ZNF831: variants seen among roughly 807,000 people sequenced by gnomAD.
ZNF831 encodes the protein chromosome 20 open reading frame 174.
Under a neutral mutation model 95.8 loss-of-function variants are expected in ZNF831, and 59 were observed. The observed-to-expected ratio is 0.62, with a 90% CI of 0.50 to 0.77. The LOEUF (loss-of-function observed/expected upper bound fraction) is 0.77. Among genes scored for constraint, ZNF831 ranks in the 30% least tolerant of loss-of-function variants. The pLI is 0.00. For synonymous variants in ZNF831, 961 were observed against 925.5 expected, an observed-to-expected ratio of 1.04 and a Z score of -0.70; for missense variants, 2,205 against 2,164.0, an observed-to-expected ratio of 1.02 and a Z score of -0.38.
chr20:59,224,435 T>C (rs1271269256), intron 4 of ZNF831, among the ~76,000 whole-genome samples: 1 of 152,204 alleles, frequency 6.6e-6, no homozygotes, highest in African/African-American at 2.4e-5. Flanking sequence ...AGCCTTCTTT[T>C]GTTCCCTCCT....
In ZNF831 at chr20:59,192,141, G is replaced by T. The variant is rs551783546; in HGVS notation, c.1122G>T (p.Glu374Asp). 1.3e-6 allele frequency: 2 copies of T among 1,564,238 alleles called. No homozygotes were observed. Among genetic ancestry groups the T allele is most frequent in the East Asian group, 2.3e-5 (1 of 43,974 alleles). ...HSLSEHSAES[E>D]GEGGPGPGPG... ...TTTCGGAGCACAGCGCCGAGTCCGA[G>T]GGGGAGGGCGGCCCGGGCCCGGGGC... Residue 374 changes from glutamate (E) to aspartate (D), a missense_variant, in exon 2 of 6, where the codon GAG becomes GAT. Glu to Asp is a conservative substitution (Grantham distance 45). Transcript: ENST00000371030. The surrounding 1 kb of genome is among the most constrained non-coding windows in gnomAD (Gnocchi z 5.2).
intron 1 of ZNF831, among the ~76,000 whole-genome samples, chr20:59,182,255 C>T (rs1982679383): frequency 6.6e-6 from 1 of 152,170 alleles, no homozygotes; most frequent in South Asian, 2.1e-4. Flanking sequence ...GAAGATGTCT[C>T]AGGCAGATCA....
chr20:59,231,290 C>A (rs1021514639), intron 4 of ZNF831, among the ~76,000 whole-genome samples: 1 of 152,146 alleles, frequency 6.6e-6, no homozygotes, highest in Non-Finnish European at 1.5e-5. Flanking sequence ...CAGAAATAGG[C>A]AACTTGCATG....
Position 59,242,745 on chromosome 20 carries a change from T to C in ZNF831, c.4028-10233T>C, listed in dbSNP as rs187292939. Among the ~76,000 whole-genome samples the C allele has an allele frequency of 2.4e-3, 366 of 152,296 alleles. 2 individuals carry two copies. Among genetic ancestry groups the C allele is most frequent in the African/African-American group, 8.3e-3 (345 of 41,562 alleles). On this transcript the variant is annotated intron_variant, in intron 4 of 5. Coordinates refer to ENST00000371030, the MANE Select transcript of ZNF831 (RefSeq NM_178457.3). ...GTATGGGTTGCTAGATTTTGATAAA[T>C]GTATTTTTCTGCTCTTTCGATGAGT...
chr20:59,192,916 C>A lies in ZNF831; in HGVS notation c.1897C>A (p.Gln633Lys), dbSNP rs2146574129. ...GGATGAGACGTTCAAAAGGATCTAC[C>A]AGAAAATGAAAGCCAGTCCCCATGG... is the stretch of plus-strand genomic sequence containing the variant. ...YGDETFKRIY[Q>K]KMKASPHGGK... The change falls in exon 2 of 6, where the codon CAG becomes AAG. Residue 633 changes from glutamine (Q) to lysine (K), a missense_variant. Coordinates refer to ENST00000371030, the MANE Select transcript of ZNF831 (RefSeq NM_178457.3). The surrounding 1 kb of genome is among the most constrained non-coding windows in gnomAD (Gnocchi z 5.2). The A allele has an allele frequency of 6.2e-7, 1 of 1,600,196 alleles. No homozygotes were observed. Among genetic ancestry groups the A allele is most frequent in the South Asian group, 1.1e-5 (1 of 88,158 alleles).
intron 1 of ZNF831, among the ~76,000 whole-genome samples, chr20:59,171,701 T>C (rs1336642731): frequency 1.3e-5 from 2 of 152,206 alleles, no homozygotes; most frequent in Non-Finnish European, 2.9e-5. Flanking sequence ...AAGTAGAGAA[T>C]GATTAGTAAA....
chr20:59,168,433 A>G (rs1981456138), intron 1 of ZNF831, among the ~76,000 whole-genome samples: 1 of 143,214 alleles, frequency 7.0e-6, no homozygotes, highest in Non-Finnish European at 1.5e-5. Context: ...TCCTTGCTGC[A>G]CTCACTTATT....
At chr20:59,203,579 C>T (rs1984679320) in intron 3 of ZNF831, among the ~76,000 whole-genome samples, 1 of 152,198 alleles carries the variant, frequency 6.6e-6, no homozygotes, top group Non-Finnish European at 1.5e-5. Flanking sequence ...TATTTATTAG[C>T]TGGACCTTTG....
intron 2 of ZNF831, 85 bp downstream of exon 2, chr20:59,194,842 A>C (rs1424554773): frequency 1.4e-6 from 2 of 1,445,664 alleles, no homozygotes; most frequent in African/African-American, 2.9e-5. Flanking sequence ...AGGAAGTCTG[A>C]AGCCGTCCCA....
chr20:59,125,499 G>A (rs1233583458), intron 1 of ZNF831, among the ~76,000 whole-genome samples: 1 of 152,074 alleles, frequency 6.6e-6, no homozygotes, highest in African/African-American at 2.4e-5. Flanking sequence ...CAGGCACTTC[G>A]TGTGCATACT....
intron 1 of ZNF831, among the ~76,000 whole-genome samples, chr20:59,175,106 T>C (rs1982042460): frequency 6.6e-6 from 1 of 152,154 alleles, no homozygotes; most frequent in Admixed American, 6.5e-5. Flanking sequence ...TCATTAGAAT[T>C]GTTTTTTCTG....
At chr20:59,242,149 C>G (rs1045942175) in intron 4 of ZNF831, among the ~76,000 whole-genome samples, 17 of 152,118 alleles carry the variant, frequency 1.1e-4, no homozygotes, top group African/African-American at 4.1e-4. Context: ...GTTTCTGTTT[C>G]TAGTTTGACA....
rs1985063989 is a variant in ZNF831 at position 59,208,510 on chromosome 20, T to C, written c.4027+1454T>C. 6.6e-6 allele frequency among the ~76,000 whole-genome samples: 1 copy of C among 152,176 alleles called. No homozygotes were observed. Among genetic ancestry groups the C allele is most frequent in the Non-Finnish European group, 1.5e-5 (1 of 68,030 alleles). ...TCGTCTCTCCTTAAGAGTTTTCCAA[T>C]GTATAACCCACAGCTGGGAATCCAG... is the stretch of plus-strand genomic sequence containing the variant. On this transcript the variant is annotated intron_variant, in intron 4 of 5. Coordinates refer to ENST00000371030, the MANE Select transcript of ZNF831 (RefSeq NM_178457.3). The surrounding 1 kb of genome is among the most constrained non-coding windows in gnomAD (Gnocchi z 4.2).
chr20:59,139,794 T>C (rs138540145), intron 1 of ZNF831, among the ~76,000 whole-genome samples: 315 of 152,290 alleles, frequency 2.1e-3, no homozygotes, highest in African/African-American at 7.2e-3. Flanking sequence ...ATGGATTCTT[T>C]GAAGAAATGC....
Position 59,191,603 on chromosome 20 carries a change from C to A in ZNF831, c.584C>A (p.Thr195Lys), listed in dbSNP as rs755332687. The A allele has an allele frequency of 6.3e-7, 1 of 1,596,492 alleles. No individual in the cohort carries two copies. The highest frequency in any genetic ancestry group is 8.5e-7 in the Non-Finnish European group (1 of 1,170,048). Residue 195 changes from threonine (T) to lysine (K), a missense_variant, in exon 2 of 6, where the codon ACG becomes AAG. Transcript: ENST00000371030. ...SNLYKHRRTQ[T>K]HLNNSRLSSE... is the part of the protein sequence containing the mutation. Reference sequence around the variant, plus strand: ...CTCTACAAGCACAGGCGGACGCAGACGCACCTCAACAACTCCCGGCTGTCC... The same window carrying A: ...CTCTACAAGCACAGGCGGACGCAGAAGCACCTCAACAACTCCCGGCTGTCC...
rs1432078773 is a variant in ZNF831, at chr20:59,194,283, G to T, written c.3264G>T (p.Arg1088Ser). The change falls in exon 2 of 6, where the codon AGG becomes AGT. Residue 1088 changes from arginine (R) to serine (S), a missense_variant. Arg to Ser is a moderately radical substitution (Grantham distance 110). Coordinates refer to ENST00000371030, the MANE Select transcript of ZNF831 (RefSeq NM_178457.3). The stretch of plus-strand genomic sequence containing the variant: ...TGGGCAGCACTTTGGCAAGGGCCAG[G>T]CTCTCTGGGGATGTCCTGAATCCCT... The part of the protein sequence containing the change: ...LCMGSTLARA[R>S]LSGDVLNPWV... 1 of 1,614,012 alleles carries T rather than the reference G, an allele frequency of 6.2e-7. No homozygotes were observed.
intron 1 of ZNF831, among the ~76,000 whole-genome samples, chr20:59,184,406 C>G (rs1003675282): frequency 6.6e-6 from 1 of 152,100 alleles, no homozygotes; most frequent in Admixed American, 6.5e-5. Flanking sequence ...TTCCTCCCTC[C>G]CCCCTTTTTT....
At chr20:59,224,946 T>C (rs1432423916) in intron 4 of ZNF831, among the ~76,000 whole-genome samples, 1 of 150,260 alleles carries the variant, frequency 6.7e-6, no homozygotes, top group African/African-American at 2.5e-5. Flanking sequence ...GTAGGGTTTT[T>C]AAATTTTGTG....
rs1988250600 is a variant in ZNF831, at chr20:59,257,782, C to T, written c.*3039C>T. ...AACCAACTGATGCCTCAGTTTCTTC[C>T]ACAGAGAATAGTTAGAGGGATGCTG... On this transcript the variant is annotated 3_prime_UTR_variant, in exon 6 of 6. Transcript: ENST00000371030. 1 of 152,078 alleles carries T rather than the reference C, an allele frequency of 6.6e-6. No individual in the cohort carries two copies. The highest frequency in any genetic ancestry group is 1.5e-5 in the Non-Finnish European group (1 of 68,012). 9.4% of individuals were successfully genotyped at this position (152,078 alleles called of 1,614,324 possible). A position where few individuals can be genotyped will look rare whatever the true frequency, so the allele number is the denominator to read the frequency against.
Sources: allele counts gnomAD v4.1 joint callset (sites outside exome capture counted in the v4.1 genomes callset), GRCh38; gene constraint gnomAD v4.1.1; non-coding constraint Gnocchi (gnomAD v3.1); transcripts MANE v1.5; gene names NCBI Gene and HGNC (gene_info 2026-07-23, HGNC 2026-07-21).